IRF2: variants seen among roughly 807,000 people sequenced by gnomAD.
The protein encoded by IRF2 is interferon regulatory factor 2.
IRF2 carries 15 observed loss-of-function variants against 40.6 expected under a neutral mutation model. That is an observed-to-expected ratio of 0.37 (90% confidence interval 0.25 to 0.57). The LOEUF is 0.57. IRF2 is among the 20% of genes least tolerant of loss of function. IRF2 has a pLI of 0.77. For synonymous variants in IRF2, 151 were observed against 165.5 expected, an observed-to-expected ratio of 0.91 and a Z score of 0.67; for missense variants, 317 against 455.7, an observed-to-expected ratio of 0.70 and a Z score of 2.77.
In IRF2 at chr4:184,428,633, A is replaced by AC. The variant is rs1472479811; in HGVS notation, c.87+344dup. The AC allele has an allele frequency of 3.4e-5, 15 of 441,420 alleles. 1 individual carries two copies. The highest frequency in any genetic ancestry group is 2.5e-4 in the South Asian group (15 of 60,596). 27.3% of individuals were successfully genotyped at this position (441,420 alleles called of 1,614,324 possible). ...GGCAACATGGCGAGATCCCAGCTCT[A>AC]CAAAAAAATACAAAAATTGGCCAGG... is the stretch of plus-strand genomic sequence containing the variant. On this transcript the variant is annotated intron_variant, in intron 2 of 8. Transcript: ENST00000393593.
chr4:184,449,608 C>T (rs1738640511), intron 1 of IRF2, among the ~76,000 whole-genome samples: 1 of 152,222 alleles, frequency 6.6e-6, no homozygotes, highest in Non-Finnish European at 1.5e-5. Context: ...CAGGCAATCA[C>T]AGTGAGGAGA....
intron 3 of IRF2, 66 bp downstream of exon 3, chr4:184,419,403 T>C: frequency 2.8e-6 from 3 of 1,056,194 alleles, no homozygotes; most frequent in South Asian, 2.5e-5. Context: ...GGCTATTTTA[T>C]GTGTAATAAA....
chr4:184,420,721 A>G (rs184549220), intron 2 of IRF2, among the ~76,000 whole-genome samples: 22 of 152,292 alleles, frequency 1.4e-4, no homozygotes, highest in Admixed American at 1.4e-3. Context: ...TCCCATTGGC[A>G]CTGTGCATCT....
At position 184,408,026 on chromosome 4, in the gene IRF2, G is replaced by A. The variant is rs1736924646; in HGVS notation, c.529+132C>T. On this transcript the variant is annotated intron_variant, in intron 6 of 8. Transcript: ENST00000393593. The surrounding 1 kb of genome is among the most constrained non-coding windows in gnomAD (Gnocchi z 4.9). ...TTCTCAGCCTTGAAATCTGGGGGCT[G>A]GAACTTGCATTCTGAGATGATTCCA... 1 of 589,474 alleles carries A rather than the reference G, an allele frequency of 1.7e-6. No individual in the cohort carries two copies. Among genetic ancestry groups the A allele is most frequent in the Admixed American group, 3.0e-5 (1 of 32,956 alleles). The allele number at this position is 589,474 out of a possible 1,614,324, so 36.5% of individuals were successfully genotyped here.
chr4:184,456,289 C>T (rs925213666), intron 1 of IRF2, among the ~76,000 whole-genome samples: 6 of 152,184 alleles, frequency 3.9e-5, no homozygotes, highest in African/African-American at 1.4e-4. Context: ...AGAGAGGACT[C>T]TGGAAGGCTT....
intron 7 of IRF2, among the ~76,000 whole-genome samples, chr4:184,391,317 G>A (rs1736253591): frequency 6.6e-6 from 1 of 152,234 alleles, no homozygotes. Flanking sequence ...TCCCTTGAGT[G>A]TGGATGGAAT....
chr4:184,456,084 C>G (rs1055823436), intron 1 of IRF2, among the ~76,000 whole-genome samples: 1 of 152,202 alleles, frequency 6.6e-6, no homozygotes, highest in South Asian at 2.1e-4. Flanking sequence ...GGTGCCTGCC[C>G]TGCGGCCGCA....
At chr4:184,418,052 A>T in intron 5 of IRF2, 115 bp downstream of exon 5, 1 of 804,234 alleles carries the variant, frequency 1.2e-6, no homozygotes, top group Non-Finnish European at 2.2e-6. Flanking sequence ...CAGAAGACAC[A>T]AGCAAAGGAA....
At position 184,413,115 on chromosome 4, in the gene IRF2, C is replaced by CA. The variant is rs2149898235; in HGVS notation, c.412-4841dup. ...TATCTGCATCCTCCGTACCCTCTTCCACTTTCTGGAGAAATGTCTCCTCCC... is the reference window on the plus strand; with the variant it reads ...TATCTGCATCCTCCGTACCCTCTTCCAACTTTCTGGAGAAATGTCTCCTCCC... On this transcript the variant is annotated intron_variant, in intron 5 of 8. Coordinates refer to ENST00000393593, the MANE Select transcript of IRF2 (RefSeq NM_002199.4). The surrounding 1 kb of genome is among the most constrained non-coding windows in gnomAD (Gnocchi z 4.2). Among the ~76,000 whole-genome samples the CA allele has an allele frequency of 6.6e-6, 1 of 152,342 alleles. No individual in the cohort carries two copies. The highest frequency in any genetic ancestry group is 2.1e-4 in the South Asian group (1 of 4,828).
At chr4:184,402,453 C>G (rs945394535) in intron 6 of IRF2, among the ~76,000 whole-genome samples, 3 of 152,184 alleles carry the variant, frequency 2.0e-5, no homozygotes, top group Non-Finnish European at 4.4e-5. Context: ...CTTCTGACCT[C>G]AAGTTGCTGG....
At chr4:184,450,062 T>C (rs1355269573) in intron 1 of IRF2, among the ~76,000 whole-genome samples, 1 of 152,240 alleles carries the variant, frequency 6.6e-6, no homozygotes, top group East Asian at 1.9e-4. Flanking sequence ...CAAAAGTGTG[T>C]GGATGTTAGC....
rs527583228 is a variant in IRF2 at position 184,474,104 on chromosome 4, ACCTCCT to A, written c.-7+269_-7+274del. The A allele has an allele frequency of 5.3e-5, 8 of 149,768 alleles. No individual in the cohort carries two copies. The highest frequency in any genetic ancestry group is 1.0e-4 in the African/African-American group (4 of 40,020). The allele number at this position is 149,768 out of a possible 1,614,324, so 9.3% of individuals were successfully genotyped here. On this transcript the variant is annotated intron_variant, in intron 1 of 8. Coordinates refer to ENST00000393593, the MANE Select transcript of IRF2 (RefSeq NM_002199.4). The surrounding 1 kb of genome is among the most constrained non-coding windows in gnomAD (Gnocchi z 5.6). ...AACCTCCTCCTCCTCCTCCCTCTCT[ACCTCCT>A]CCTCCTCCTCCTCCTCGCAGCCTCA...
At chr4:184,399,271 A>G (rs1351330858) in intron 6 of IRF2, among the ~76,000 whole-genome samples, 192 bp from the exon 7 acceptor site, 2 of 152,200 alleles carry the variant, frequency 1.3e-5, no homozygotes, top group Non-Finnish European at 2.9e-5. Context: ...GCAGCCGGCC[A>G]GCACTTGGCT....
At position 184,408,422 on chromosome 4, in the gene IRF2, C is replaced by T; in HGVS notation, c.412-147G>A. ...TACATTCATCCCCTGCTTCTTTAAA[C>T]TGGCCTGTTTTAAAGCACATTTCTG... On this transcript the variant is annotated intron_variant, in intron 5 of 8. Transcript: ENST00000393593. The surrounding 1 kb of genome is among the most constrained non-coding windows in gnomAD (Gnocchi z 4.9). The T allele has an allele frequency of 1.5e-6, 1 of 663,130 alleles. No homozygotes were observed. Among genetic ancestry groups the T allele is most frequent in the South Asian group, 1.8e-5 (1 of 56,366 alleles). 41.1% of individuals were successfully genotyped at this position (663,130 alleles called of 1,614,324 possible).
At chr4:184,407,224 T>G (rs1328169586) in intron 6 of IRF2, 6 of 1,289,358 alleles carry the variant, frequency 4.7e-6, no homozygotes, top group Non-Finnish European at 6.1e-6. Flanking sequence ...TTCAGCATGC[T>G]GCTGGCTTCT....
chr4:184,390,385 T>G (rs1380018519), intron 8 of IRF2, among the ~76,000 whole-genome samples: 1 of 152,182 alleles, frequency 6.6e-6, no homozygotes, highest in Non-Finnish European at 1.5e-5. Flanking sequence ...TTTTTGCCGG[T>G]GAAGTAGGAT....
At chr4:184,457,678 G>A (rs1373564706) in intron 1 of IRF2, among the ~76,000 whole-genome samples, 1 of 152,038 alleles carries the variant, frequency 6.6e-6, no homozygotes, top group Non-Finnish European at 1.5e-5. Flanking sequence ...TATTATCAAA[G>A]GCACAACCCA....
At position 184,388,900 on chromosome 4, in the gene IRF2, C is replaced by T. The variant is rs2149889288; in HGVS notation, c.908G>A (p.Ser303Asn). 6.2e-7 allele frequency: 1 copy of T among 1,614,014 alleles called. No individual in the cohort carries two copies. Among genetic ancestry groups the T allele is most frequent in the Admixed American group, 1.7e-5 (1 of 60,004 alleles). The change falls in exon 9 of 9, where the codon AGC becomes AAC. Residue 303 changes from serine to asparagine, a missense_variant. By Grantham distance (46) the Ser-to-Asn change is conservative. This residue lies in a region of IRF2 where 262 missense variants were observed against 334.0 expected (regional missense o/e 0.78). Coordinates refer to ENST00000393593, the MANE Select transcript of IRF2 (RefSeq NM_002199.4). This position sits in a 1 kb window ranked among gnomAD's most constrained non-coding sequence, Gnocchi z 4.6. Reference sequence around the variant, plus strand: ...GAGGTCTTGAAAAGGGGGCCAGGAGCTGTTGTAAGGCACCGGATTGCTCTC... The same window carrying T: ...GAGGTCTTGAAAAGGGGGCCAGGAGTTGTTGTAAGGCACCGGATTGCTCTC... ...KEESNPVPYN[S>N]SWPPFQDLPL...
chr4:184,410,273 T>C (rs1258149837), intron 5 of IRF2, among the ~76,000 whole-genome samples: 1 of 152,208 alleles, frequency 6.6e-6, no homozygotes, highest in East Asian at 1.9e-4. Flanking sequence ...AGGACCCACG[T>C]CATAGGGATA....
Sources: gnomAD v4.1 joint callset for allele counts (sites outside exome capture counted in the v4.1 genomes callset) on GRCh38, gnomAD v4.1.1 for gene constraint, gnomAD v4.1.1 regional missense constraint, Gnocchi (gnomAD v3.1) non-coding constraint, MANE v1.5 for transcripts, NCBI Gene and HGNC (gene_info 2026-07-23, HGNC 2026-07-21) for gene names.